The following ANOS1 variants were observed in gnomAD, a reference collection of about 807,000 sequenced individuals.
The protein encoded by ANOS1 is anosmin 1, also known as anosmin-1.
A neutral mutation model predicts 59.0 loss-of-function variants in ANOS1; 6 were observed. The ratio of observed to expected loss-of-function variants is 0.10; its 90% CI spans 0.06 to 0.20. The LOEUF (loss-of-function observed/expected upper bound fraction) is 0.20. Among genes scored for constraint, ANOS1 ranks in the 10% least tolerant of loss-of-function variants. The probability of loss-of-function intolerance (pLI) is 1.00; values close to 1 mark genes in which losing one functional copy is unlikely to be tolerated. For missense variants in ANOS1, 433 were observed against 542.3 expected, an observed-to-expected ratio of 0.80 and a Z score of 2.00; for synonymous variants, 217 against 223.4, an observed-to-expected ratio of 0.97 and a Z score of 0.25.
intron 2 of ANOS1, among the ~76,000 whole-genome samples, chrX:8,658,922 T>C (rs1354515247): frequency 1.8e-5 from 2 of 110,929 alleles, no homozygotes; most frequent in Non-Finnish European, 3.8e-5. Flanking sequence ...ACTTTGTCTC[T>C]ACAGAAATAA....
At chrX:8,590,707 G>T (rs1930601937) in intron 4 of ANOS1, among the ~76,000 whole-genome samples, 1 of 111,906 alleles carries the variant, frequency 8.9e-6, no homozygotes, top group South Asian at 3.7e-4. Context: ...AATGTTTGCT[G>T]AACTAATAGC....
intron 3 of ANOS1, among the ~76,000 whole-genome samples, chrX:8,621,987 C>G (rs1217307952): frequency 1.8e-5 from 2 of 111,911 alleles, no homozygotes; most frequent in South Asian, 7.5e-4. Flanking sequence ...AGAACACAAA[C>G]AAAGACATGG....
chrX:8,641,150 A>G (rs1370731093), intron 2 of ANOS1, among the ~76,000 whole-genome samples: 1 of 112,168 alleles, frequency 8.9e-6, no homozygotes, highest in African/African-American at 3.2e-5. Flanking sequence ...GGAATATCAC[A>G]GGGGATTCGA....
chrX:8,646,241 G>A lies in ANOS1; in HGVS notation c.256-22571C>T, dbSNP rs144870329. On this transcript the variant is annotated intron_variant, in intron 2 of 13. Coordinates refer to ENST00000262648, the MANE Select transcript of ANOS1 (RefSeq NM_000216.4). ...CACCCAGGCTGGAGTTCAGTGGCGC[G>A]ACCTCAGCTCACTGCAGCCTTGACC... Among the ~76,000 whole-genome samples, 1,044 of 110,554 alleles carry A rather than the reference G, an allele frequency of 9.4e-3. 3 individuals are homozygous for A. The highest frequency in any genetic ancestry group is 0.015 in the Non-Finnish European group (765 of 52,722).
At chrX:8,587,732 G>A (rs1225005412) in intron 5 of ANOS1, 62 bp downstream of exon 5, 13 of 931,016 alleles carry the variant, frequency 1.4e-5, no homozygotes, top group Non-Finnish European at 1.8e-5. Context: ...AATTTTTTGT[G>A]CGTAGCTATG....
Position 8,591,703 on chromosome X carries a change from T to C in ANOS1, c.542-3725A>G, listed in dbSNP as rs190698231. 8.3e-3 allele frequency among the ~76,000 whole-genome samples: 934 copies of C among 112,089 alleles called. 19 individuals are homozygous for C. The highest frequency in any genetic ancestry group is 0.029 in the African/African-American group (886 of 30,890). On this transcript the variant is annotated intron_variant, in intron 4 of 13. Transcript: ENST00000262648. The stretch of plus-strand genomic sequence containing the variant: ...GTTGGCTCCTTTGATTGGAAGTAAC[T>C]CCAGCGCTCTACTGTAATTGTGTGC...
chrX:8,644,068 G>T (rs73631407), intron 2 of ANOS1, among the ~76,000 whole-genome samples: 3,776 of 111,332 alleles, frequency 0.034, 181 homozygotes, highest in African/African-American at 0.12. Context: ...TGAGGGCTGC[G>T]TCATGGGCCA....
rs146478060 is a variant in ANOS1, at chrX:8,581,007, T to A, written c.856+4260A>T. Among the ~76,000 whole-genome samples, 920 of 111,742 alleles carry A rather than the reference T, an allele frequency of 8.2e-3. 18 individuals carry two copies. Among genetic ancestry groups the A allele is most frequent in the African/African-American group, 0.028 (869 of 30,729 alleles). On this transcript the variant is annotated intron_variant, in intron 6 of 13. Coordinates refer to ENST00000262648, the MANE Select transcript of ANOS1 (RefSeq NM_000216.4). ...GGAGCAAACAGGGATAAATGGGCAT[T>A]TATTGAATGAAAATGCACCATTTTT...
intron 2 of ANOS1, among the ~76,000 whole-genome samples, chrX:8,625,147 G>A (rs1931370425): frequency 9.0e-6 from 1 of 110,710 alleles, no homozygotes; most frequent in Admixed American, 9.6e-5. Context: ...CATATATAGT[G>A]TGTACATACG....
chrX:8,625,988 T>C (rs750521421), intron 2 of ANOS1, among the ~76,000 whole-genome samples: 1 of 107,040 alleles, frequency 9.3e-6, no homozygotes, highest in South Asian at 4.3e-4. Context: ...GGTGGGCGCC[T>C]GTAGTCCCAG....
chrX:8,671,541 C>T (rs1230915494), intron 2 of ANOS1, among the ~76,000 whole-genome samples: 1 of 108,843 alleles, frequency 9.2e-6, no homozygotes, highest in Non-Finnish European at 1.9e-5. Context: ...AATAAAACAA[C>T]ATCTATACAT....
intron 8 of ANOS1, among the ~76,000 whole-genome samples, chrX:8,554,752 A>C (rs1210809640): frequency 9.2e-6 from 1 of 108,418 alleles, no homozygotes; most frequent in Non-Finnish European, 1.9e-5. Flanking sequence ...ACCTACAAAG[A>C]CACTTAGACT....
chrX:8,575,359 G>T (rs1930302664), intron 6 of ANOS1, among the ~76,000 whole-genome samples: 1 of 112,013 alleles, frequency 8.9e-6, no homozygotes, highest in East Asian at 2.8e-4. Context: ...AGCCGTTCGT[G>T]TTCTCGGCAA....
At chrX:8,724,961 C>T (rs914882541) in intron 1 of ANOS1, among the ~76,000 whole-genome samples, 23 of 111,329 alleles carry the variant, frequency 2.1e-4, no homozygotes, top group African/African-American at 7.5e-4. Flanking sequence ...TGATAGACAA[C>T]CTGCTTTCAA....
At chrX:8,685,616 GAA>G (rs1216856670) in intron 2 of ANOS1, among the ~76,000 whole-genome samples, 2 of 84,888 alleles carry the variant, frequency 2.4e-5, no homozygotes, top group Non-Finnish European at 4.4e-5. Flanking sequence ...AAGAAAGAAA[GAA>G]AGAAAGAAAG....
intron 6 of ANOS1, among the ~76,000 whole-genome samples, chrX:8,578,267 CT>C (rs35592784): frequency 1.9e-5 from 2 of 106,983 alleles, no homozygotes; most frequent in African/African-American, 6.9e-5. Flanking sequence ...ATATTTAAAC[CT>C]TTTTTTTTCT....
At chrX:8,533,809 A>G (rs890681444) in intron 13 of ANOS1, among the ~76,000 whole-genome samples, 4 of 111,470 alleles carry the variant, frequency 3.6e-5, no homozygotes, top group African/African-American at 1.3e-4. Context: ...TTCCTTAGCA[A>G]AATATTATTT....
Position 8,554,211 on chromosome X carries a change from G to A in ANOS1, c.1208-113C>T. The A allele has an allele frequency of 8.5e-6, 5 of 585,445 alleles. No individual in the cohort carries two copies. The South Asian group carries it at 1.0e-4, about 12-fold the overall frequency. The allele number at this position is 585,445 out of a possible 1,213,427, so 48.2% of individuals were successfully genotyped here. A position where few individuals can be genotyped will look rare whatever the true frequency, so the allele number is the denominator to read the frequency against. On this transcript the variant is annotated intron_variant, in intron 8 of 13. Transcript: ENST00000262648. ...TGCAGCTTCCAGCGAGAACAACACA[G>A]AAGGCGGGTGATTTCTCTATTTCCA...
chrX:8,535,063 T>C (rs1929565616), intron 12 of ANOS1: 1 of 121,244 alleles, frequency 8.2e-6, no homozygotes, highest in Admixed American at 8.2e-5. Context: ...TAGTTGGCTA[T>C]TCTAAGGGCA....
Sources: allele counts gnomAD v4.1 joint callset (sites outside exome capture counted in the v4.1 genomes callset), GRCh38; gene constraint gnomAD v4.1.1; transcripts MANE v1.5; gene names NCBI Gene and HGNC (gene_info 2026-07-23, HGNC 2026-07-21).